The following PCDHGB5 variants were observed in gnomAD, a reference collection of about 807,000 sequenced individuals.
PCDHGB5 encodes the protein protocadherin gamma-B5.
PCDHGB5 carries 48 observed loss-of-function variants against 62.9 expected under a neutral mutation model. The ratio of observed to expected loss-of-function variants is 0.76; its 90% CI spans 0.61 to 0.97. PCDHGB5 has a LOEUF of 0.97. Ranked by LOEUF, PCDHGB5 falls within the 50% of genes least tolerant of loss-of-function variation. The pLI is 0.00. For missense variants in PCDHGB5, 1,118 were observed against 1,198.6 expected (o/e 0.93, Z 0.99); for synonymous variants, 474 against 511.2 (o/e 0.93, Z 0.98).
rs773484841 is a variant in PCDHGB5 at position 141,432,092 on chromosome 5, A to G, written c.2397+31568A>G. 4.3e-6 allele frequency: 7 copies of G among 1,614,104 alleles called. No individual in the cohort carries two copies. The East Asian group carries it at 1.6e-4, about 36-fold the overall frequency. On this transcript the variant is annotated intron_variant, in intron 1 of 3. Transcript: ENST00000617380. The surrounding 1 kb of genome is among the most constrained non-coding windows in gnomAD (Gnocchi z 6.0). Reference sequence around the variant, plus strand: ...TCATATCTCGCTGAACGTGGCAGACACCAACGACAACCCGCCGGTCTTCCC... The same window carrying G: ...TCATATCTCGCTGAACGTGGCAGACGCCAACGACAACCCGCCGGTCTTCCC...
intron 1 of PCDHGB5, chr5:141,419,144 A>G: frequency 6.2e-7 from 1 of 1,613,940 alleles, no homozygotes; most frequent in South Asian, 1.1e-5. Context: ...AGACAGGGGC[A>G]AGCCTCCGTT....
chr5:141,483,903 G>C (rs1167942546), intron 1 of PCDHGB5, among the ~76,000 whole-genome samples: 1 of 151,282 alleles, frequency 6.6e-6, no homozygotes, highest in Admixed American at 6.6e-5. Context: ...GCTCTGGTGT[G>C]TTTCCCACTC....
At chr5:141,430,635 T>C (rs1561846344) in intron 1 of PCDHGB5, 1 of 881,828 alleles carries the variant, frequency 1.1e-6, no homozygotes, top group African/African-American at 1.7e-5. Context: ...GAACCATCCC[T>C]GGGAGTATGT....
At chr5:141,502,404 C>A (rs1270930372) in intron 2 of PCDHGB5, among the ~76,000 whole-genome samples, 1 of 151,880 alleles carries the variant, frequency 6.6e-6, no homozygotes, top group Non-Finnish European at 1.5e-5. Flanking sequence ...TGTCCCCGAA[C>A]CTGGATTTGC....
Position 141,414,697 on chromosome 5 carries a change from T to A in PCDHGB5, c.2397+14173T>A, listed in dbSNP as rs748722995. The A allele has an allele frequency of 9.3e-6, 15 of 1,614,036 alleles. No homozygotes were observed. Among genetic ancestry groups the A allele is most frequent in the Non-Finnish European group, 1.3e-5 (15 of 1,179,930 alleles). ...CATCCAGGGGGTACCTCTGTCCTCA[T>A]ACATATCCATCAACTCAGACACTGG... is the stretch of plus-strand genomic sequence containing the variant. On this transcript the variant is annotated intron_variant, in intron 1 of 3. Transcript: ENST00000617380.
chr5:141,459,757 G>A (rs1360124889), intron 1 of PCDHGB5, among the ~76,000 whole-genome samples: 3 of 152,162 alleles, frequency 2.0e-5, no homozygotes, highest in Admixed American at 2.0e-4. Context: ...ATTCTAGTGG[G>A]TGTGTGATAC....
chr5:141,419,894 C>T (rs1590201850), intron 1 of PCDHGB5: 2 of 1,613,926 alleles, frequency 1.2e-6, no homozygotes, highest in East Asian at 2.2e-5. Flanking sequence ...CAGCGACCAT[C>T]CCACACCCTC....
chr5:141,461,213 T>C (rs1457474925), intron 1 of PCDHGB5, among the ~76,000 whole-genome samples: 1 of 152,168 alleles, frequency 6.6e-6, no homozygotes, highest in African/African-American at 2.4e-5. Flanking sequence ...AGAATCTCCA[T>C]ACTGTTTTCC....
At chr5:141,402,945 A>T (rs2094324619) in intron 1 of PCDHGB5, 2 of 1,593,720 alleles carry the variant, frequency 1.3e-6, no homozygotes, top group Admixed American at 3.6e-5. Flanking sequence ...TTCCAAAGCG[A>T]GGCAGCAATG....
chr5:141,417,525 C>G (rs1435259680), intron 1 of PCDHGB5: 1 of 272,692 alleles, frequency 3.7e-6, no homozygotes, highest in African/African-American at 2.2e-5. Flanking sequence ...GCTGTCAACT[C>G]GTAGTTTAAA....
intron 1 of PCDHGB5, chr5:141,478,242 T>C (rs750487479): frequency 6.2e-7 from 1 of 1,614,156 alleles, no homozygotes; most frequent in Admixed American, 1.7e-5. Context: ...GTGGTCACAG[T>C]GTTCGGAGTA....
intron 1 of PCDHGB5, among the ~76,000 whole-genome samples, chr5:141,439,530 C>T (rs1003383726): frequency 6.6e-6 from 1 of 152,180 alleles, no homozygotes; most frequent in Non-Finnish European, 1.5e-5. Flanking sequence ...CTCTACAGAA[C>T]GCTGTCCTCT....
chr5:141,441,609 A>G (rs922588350), intron 1 of PCDHGB5: 2 of 218,734 alleles, frequency 9.1e-6, no homozygotes, highest in South Asian at 5.5e-5. Context: ...TCCCTATTCC[A>G]TCGTGGCCAG....
In PCDHGB5 at chr5:141,476,762, G is replaced by A. The variant is rs1338892879; in HGVS notation, c.2398-18045G>A. The A allele has an allele frequency of 6.2e-7, 1 of 1,613,848 alleles. No individual in the cohort carries two copies. ...GCCTAGTCTCCAGTTAGTGCTGACG[G>A]CGTTGGACGGAGGGACCCCAGCTCT... On this transcript the variant is annotated intron_variant, in intron 1 of 3. Coordinates refer to ENST00000617380, the MANE Select transcript of PCDHGB5 (RefSeq NM_018925.3). The surrounding 1 kb of genome is among the most constrained non-coding windows in gnomAD (Gnocchi z 7.6).
chr5:141,493,935 C>T lies in PCDHGB5; in HGVS notation c.2398-872C>T, dbSNP rs1317863228. Among the ~76,000 whole-genome samples the T allele has an allele frequency of 6.6e-6, 1 of 152,158 alleles. No homozygotes were observed. Among genetic ancestry groups the T allele is most frequent in the Non-Finnish European group, 1.5e-5 (1 of 68,020 alleles). On this transcript the variant is annotated intron_variant, in intron 1 of 3. Coordinates refer to ENST00000617380, the MANE Select transcript of PCDHGB5 (RefSeq NM_018925.3). This position sits in a 1 kb window ranked among gnomAD's most constrained non-coding sequence, Gnocchi z 4.3. Reference sequence around the variant, plus strand: ...TGGGATAACACACCCCCTGGAAAGACCAGAAGGGACTCAGGAATGAAGTGG... The same window carrying T: ...TGGGATAACACACCCCCTGGAAAGATCAGAAGGGACTCAGGAATGAAGTGG...
chr5:141,472,254 T>C (rs1031738513), intron 1 of PCDHGB5, among the ~76,000 whole-genome samples: 1 of 152,074 alleles, frequency 6.6e-6, no homozygotes, highest in Admixed American at 6.6e-5. Context: ...TTTAAAGTTA[T>C]ATTATAGCCG....
chr5:141,492,492 G>A (rs896538392), intron 1 of PCDHGB5, among the ~76,000 whole-genome samples: 2 of 152,206 alleles, frequency 1.3e-5, no homozygotes, highest in African/African-American at 2.4e-5. Context: ...AGGACCAGGC[G>A]AGGACTCCGG....
chr5:141,399,842 A>T lies in PCDHGB5; in HGVS notation c.1715A>T (p.Asp572Val), dbSNP rs749737928. ...GGTCCCGACGGCTCTGCGCTCTTCG[A>T]TATGGTGCCGCGCGCTGCAGAGCCC... Reference protein sequence around the residue: ...ALGPDGSALFDMVPRAAEPGY... With the variant: ...ALGPDGSALFVMVPRAAEPGY... The change falls in exon 1 of 4, where the codon GAT becomes GTT. Residue 572 changes from aspartate (D) to valine (V), a missense_variant. Asp to Val is a radical substitution (Grantham distance 152). Transcript: ENST00000617380. The T allele has an allele frequency of 6.2e-7, 1 of 1,612,970 alleles. No homozygotes were observed. The highest frequency in any genetic ancestry group is 1.1e-5 in the South Asian group (1 of 91,064).
intron 1 of PCDHGB5, chr5:141,408,684 A>G (rs1660685979): frequency 6.2e-7 from 1 of 1,613,862 alleles, no homozygotes; most frequent in African/African-American, 1.3e-5. Context: ...ACGGATCCTG[A>G]TATAAACATA....
Sources: gnomAD v4.1 joint callset for allele counts (sites outside exome capture counted in the v4.1 genomes callset) on GRCh38, gnomAD v4.1.1 for gene constraint, Gnocchi (gnomAD v3.1) non-coding constraint, MANE v1.5 for transcripts, NCBI Gene and HGNC (gene_info 2026-07-23, HGNC 2026-07-21) for gene names.